TSPAN3: variants seen among roughly 807,000 people sequenced by gnomAD.
TSPAN3 encodes the protein tetraspanin 3.
TSPAN3 carries 9 observed loss-of-function variants against 31.1 expected under a neutral mutation model. The ratio of observed to expected loss-of-function variants is 0.29; its 90% confidence interval spans 0.17 to 0.50. The LOEUF (loss-of-function observed/expected upper bound fraction) is 0.50. Ranked by LOEUF, TSPAN3 falls within the 20% of genes least tolerant of loss-of-function variation. The pLI is 0.98. For missense variants in TSPAN3, 252 were observed against 313.5 expected (o/e 0.80, Z 1.48); for synonymous variants, 129 against 114.3 (o/e 1.13, Z -0.82).
At chr15:77,063,308 A>T (rs1215688055) in intron 1 of TSPAN3, 16 of 152,160 alleles carry the variant, frequency 1.1e-4, no homozygotes, top group Admixed American at 1.0e-3. Flanking sequence ...AGTTTTTTTT[A>T]AAGTCCTACT....
At chr15:77,061,739 G>C (rs943780346) in intron 1 of TSPAN3, among the ~76,000 whole-genome samples, 3 of 152,188 alleles carry the variant, frequency 2.0e-5, no homozygotes, top group Non-Finnish European at 4.4e-5. Flanking sequence ...CATTTTGGGC[G>C]AAGCTGAAGC....
At chr15:77,062,932 A>G (rs1438930415) in intron 1 of TSPAN3, among the ~76,000 whole-genome samples, 2 of 152,218 alleles carry the variant, frequency 1.3e-5, no homozygotes, top group Non-Finnish European at 2.9e-5. Context: ...CAAAATGTTG[A>G]TATTGGTTGT....
intron 1 of TSPAN3, among the ~76,000 whole-genome samples, chr15:77,066,505 G>C (rs2076833900): frequency 7.8e-6 from 1 of 128,786 alleles, no homozygotes; most frequent in African/African-American, 2.9e-5. Context: ...CCGGGAGACA[G>C]AGGCTGCAGT....
intron 3 of TSPAN3, 32 bp downstream of exon 3, chr15:77,055,757 A>G: frequency 6.5e-7 from 1 of 1,538,158 alleles, no homozygotes; most frequent in East Asian, 2.3e-5. Flanking sequence ...CCACCTTTTA[A>G]GGCATTATGT....
At position 77,049,232 on chromosome 15, in the gene TSPAN3, A is replaced by G. The variant is rs1280099323; in HGVS notation, c.670-2305T>C. Among the ~76,000 whole-genome samples, 4 of 152,316 alleles carry G rather than the reference A, an allele frequency of 2.6e-5. No homozygotes were observed. In the East Asian group the frequency reaches 7.7e-4, roughly 29 times the overall value. ...AGGAGGAAGTTTCTCATTTTAACGAATAACTGGTAATTGAGGAGGAGGAGG... is the reference window on the plus strand; with the variant it reads ...AGGAGGAAGTTTCTCATTTTAACGAGTAACTGGTAATTGAGGAGGAGGAGG... On this transcript the variant is annotated intron_variant, in intron 6 of 6. Coordinates refer to ENST00000267970, the MANE Select transcript of TSPAN3 (RefSeq NM_005724.6).
intron 1 of TSPAN3, among the ~76,000 whole-genome samples, chr15:77,059,626 T>C (rs1171131253): frequency 2.6e-5 from 4 of 152,216 alleles, no homozygotes; most frequent in African/African-American, 9.7e-5. Context: ...TTTAATGTTG[T>C]AGGTTTTTTT....
intron 5 of TSPAN3, 126 bp downstream of exon 5, chr15:77,052,651 T>A: frequency 8.6e-7 from 1 of 1,161,380 alleles, no homozygotes; most frequent in East Asian, 2.5e-5. Flanking sequence ...TTATAATAAT[T>A]TACAGTAAAA....
chr15:77,051,512 A>T (rs774250875), intron 6 of TSPAN3, among the ~76,000 whole-genome samples: 2 of 151,300 alleles, frequency 1.3e-5, no homozygotes, highest in Non-Finnish European at 2.9e-5. Context: ...TGGGCAACAA[A>T]AGCAAAACTC....
intron 1 of TSPAN3, among the ~76,000 whole-genome samples, chr15:77,065,285 G>A (rs1223977556): frequency 1.3e-5 from 2 of 152,132 alleles, no homozygotes; most frequent in Non-Finnish European, 2.9e-5. Flanking sequence ...AGTAAGTTCT[G>A]TAAGAATAGG....
chr15:77,048,215 T>C (rs960993791), intron 6 of TSPAN3, among the ~76,000 whole-genome samples: 1 of 152,190 alleles, frequency 6.6e-6, no homozygotes, highest in African/African-American at 2.4e-5. Flanking sequence ...ACCTAATTCC[T>C]AGAGAAATAC....
chr15:77,065,004 A>G (rs2076823146), intron 1 of TSPAN3: 1 of 152,274 alleles, frequency 6.6e-6, no homozygotes, highest in Non-Finnish European at 1.5e-5. Flanking sequence ...TTTTTTAAAC[A>G]AAAGCATGAC....
chr15:77,046,192 T>C lies in TSPAN3; in HGVS notation c.*643A>G. ...AAAAACACACTCACACTAATTCTTT[T>C]AAAACAGTAGTGCATACATTATACT... On this transcript the variant is annotated 3_prime_UTR_variant, in exon 7 of 7. Transcript: ENST00000267970. 2.6e-6 allele frequency: 1 copy of C among 386,204 alleles called. No individual in the cohort carries two copies. The highest frequency in any genetic ancestry group is 3.7e-5 in the East Asian group (1 of 27,168). 23.9% of individuals were successfully genotyped at this position (386,204 alleles called of 1,614,324 possible). A position where few individuals can be genotyped will look rare whatever the true frequency, so the allele number is the denominator to read the frequency against.
intron 1 of TSPAN3, among the ~76,000 whole-genome samples, chr15:77,069,502 C>T (rs1036918656): frequency 1.3e-5 from 2 of 152,180 alleles, no homozygotes; most frequent in Non-Finnish European, 2.9e-5. Flanking sequence ...ATAAGAAACA[C>T]TGCTCTAATT....
At chr15:77,051,837 G>A (rs1186695343) in intron 6 of TSPAN3, among the ~76,000 whole-genome samples, 4 of 152,176 alleles carry the variant, frequency 2.6e-5, no homozygotes, top group Non-Finnish European at 5.9e-5. Flanking sequence ...AAGCCTGGGT[G>A]ACAGAGTGAG....
chr15:77,059,643 A>G (rs2152696973), intron 1 of TSPAN3, among the ~76,000 whole-genome samples: 1 of 152,264 alleles, frequency 6.6e-6, no homozygotes, highest in African/African-American at 2.4e-5. Context: ...TTTTTACTCT[A>G]AAAGGCAGTA....
At chr15:77,059,440 C>T (rs897620085) in intron 1 of TSPAN3, among the ~76,000 whole-genome samples, 2 of 152,190 alleles carry the variant, frequency 1.3e-5, no homozygotes, top group Non-Finnish European at 2.9e-5. Flanking sequence ...AACTACTTAA[C>T]ACTCTTCCCA....
rs1413420650 is a variant in TSPAN3 at position 77,043,423 on chromosome 15, C to T, written c.*3412G>A. The T allele has an allele frequency of 6.6e-6, 1 of 152,220 alleles. No homozygotes were observed. Among genetic ancestry groups the T allele is most frequent in the East Asian group, 1.9e-4 (1 of 5,204 alleles). 9.4% of individuals were successfully genotyped at this position (152,220 alleles called of 1,614,324 possible). ...TCCTCCTTGGACTAGATGATCAAAA[C>T]GAACATCCCCACTGTGGGGCAGATG... On this transcript the variant is annotated 3_prime_UTR_variant, in exon 7 of 7. Coordinates refer to ENST00000267970, the MANE Select transcript of TSPAN3 (RefSeq NM_005724.6).
At chr15:77,066,712 G>A (rs774910964) in intron 1 of TSPAN3, among the ~76,000 whole-genome samples, 1 of 149,638 alleles carries the variant, frequency 6.7e-6, no homozygotes. Context: ...CATAAAAACA[G>A]AGATCCAAGA....
At position 77,043,141 on chromosome 15, in the gene TSPAN3, T is replaced by A; in HGVS notation, c.*3694A>T. On this transcript the variant is annotated 3_prime_UTR_variant, in exon 7 of 7. Transcript: ENST00000267970. The stretch of plus-strand genomic sequence containing the variant: ...TCCTGTGGCTTGGCGGGGGGGCACC[T>A]CCAGTAAGTTGATTCTCCAGCATGG... The A allele has an allele frequency of 6.6e-6, 1 of 151,656 alleles. No individual in the cohort carries two copies. The highest frequency in any genetic ancestry group is 1.5e-5 in the Non-Finnish European group (1 of 67,990). The allele number at this position is 151,656 out of a possible 1,614,324, so 9.4% of individuals were successfully genotyped here. A position where few individuals can be genotyped will look rare whatever the true frequency, so the allele number is the denominator to read the frequency against.
Sources: gnomAD v4.1 joint callset for allele counts (sites outside exome capture counted in the v4.1 genomes callset) on GRCh38, gnomAD v4.1.1 for gene constraint, MANE v1.5 for transcripts, NCBI Gene and HGNC (gene_info 2026-07-23, HGNC 2026-07-21) for gene names.